Variants in FIRRM observed in about 807,000 individuals in gnomAD.
FIRRM encodes the protein FIGNL1-interacting regulator of recombination and mitosis.
chr1:169,789,565 T>C, the FIRRM span, among the ~76,000 whole-genome samples: 1 of 152,214 alleles, frequency 6.6e-6, no homozygotes, highest in Non-Finnish European at 1.5e-5. Flanking sequence ...AGGCAGAACA[T>C]AGCACATATG....
At chr1:169,852,241 C>A in the FIRRM span, 1 of 362,398 alleles carries the variant, frequency 2.8e-6, no homozygotes, top group African/African-American at 2.1e-5. Flanking sequence ...ATGAAAGAAA[C>A]TTACTCCTAA....
chr1:169,825,384 C>T, the FIRRM span, among the ~76,000 whole-genome samples: 1 of 152,158 alleles, frequency 6.6e-6, no homozygotes, highest in East Asian at 1.9e-4. Context: ...TTTACTTGTA[C>T]ACTTGTCTGT....
chr1:169,817,702 T>C, the FIRRM span, among the ~76,000 whole-genome samples: 1 of 152,202 alleles, frequency 6.6e-6, no homozygotes, highest in Non-Finnish European at 1.5e-5. Context: ...GTATAAAATG[T>C]AATCAGTATA....
the FIRRM span, among the ~76,000 whole-genome samples, chr1:169,809,600 A>G: frequency 2.0e-5 from 3 of 152,226 alleles, no homozygotes. Flanking sequence ...GTGGCTGTAC[A>G]TAAAGTATAT....
At chr1:169,830,643 T>C in the FIRRM span, 2 of 1,529,120 alleles carry the variant, frequency 1.3e-6, no homozygotes, top group Non-Finnish European at 1.8e-6. Flanking sequence ...GTTCATCTCC[T>C]TATGTTTCTG....
the FIRRM span, among the ~76,000 whole-genome samples, chr1:169,802,003 C>T: frequency 6.6e-6 from 1 of 152,132 alleles, no homozygotes; most frequent in African/African-American, 2.4e-5. Context: ...TTTTCTTTAG[C>T]TACATTGTAT....
chr1:169,825,592 G>A, the FIRRM span, among the ~76,000 whole-genome samples: 4 of 152,184 alleles, frequency 2.6e-5, no homozygotes, highest in African/African-American at 9.7e-5. Flanking sequence ...TGTAATTCAA[G>A]TCTGTGGAAT....
At chr1:169,842,695 C>T in the FIRRM span, among the ~76,000 whole-genome samples, 8 of 152,188 alleles carry the variant, frequency 5.3e-5, no homozygotes, top group African/African-American at 1.7e-4. Context: ...TACTCTCTCA[C>T]GCAGCTTTTT....
At chr1:169,853,080 A>AAAGTTGAATCTAGTG in the FIRRM span, 7 of 1,212,252 alleles carry the variant, frequency 5.8e-6, no homozygotes, top group East Asian at 1.7e-4. Context: ...CAAATTTTGT[A>AAAGTTGAATCTAGTG]AAGTTGAATC....
chr1:169,820,170 G>C, the FIRRM span, among the ~76,000 whole-genome samples: 1 of 152,176 alleles, frequency 6.6e-6, no homozygotes, highest in Non-Finnish European at 1.5e-5. Context: ...GTTGATCTGA[G>C]TAACAGAAAA....
chr1:169,834,932 A>G, the FIRRM span, among the ~76,000 whole-genome samples: 3 of 152,218 alleles, frequency 2.0e-5, no homozygotes, highest in Non-Finnish European at 4.4e-5. Flanking sequence ...GGGTGTTTGT[A>G]GCTGAGACAG....
At chr1:169,802,031 T>A in the FIRRM span, among the ~76,000 whole-genome samples, 87 of 152,238 alleles carry the variant, frequency 5.7e-4, 1 homozygote, top group Non-Finnish European at 2.1e-4. Context: ...TGTGTTGCTA[T>A]TCTTATAATG....
At chr1:169,852,768 A>C in the FIRRM span, 1 of 1,610,748 alleles carries the variant, frequency 6.2e-7, no homozygotes, top group Non-Finnish European at 8.5e-7. Flanking sequence ...ATATTGTGAT[A>C]TTACTTATGT....
the FIRRM span, chr1:169,849,426 T>C: frequency 9.1e-6 from 10 of 1,099,050 alleles, no homozygotes; most frequent in East Asian, 2.4e-5. Flanking sequence ...ACTGGGCTTA[T>C]TGAATGTATG....
the FIRRM span, among the ~76,000 whole-genome samples, chr1:169,799,424 C>G: frequency 6.6e-6 from 1 of 152,300 alleles, no homozygotes; most frequent in African/African-American, 2.4e-5. Context: ...GAGATTCATT[C>G]TTCTAGTCAG....
chr1:169,818,595 A>T, the FIRRM span, among the ~76,000 whole-genome samples: 3 of 152,210 alleles, frequency 2.0e-5, no homozygotes, highest in Non-Finnish European at 4.4e-5. Flanking sequence ...TAAACCAGTT[A>T]TCAAGCTCTT....
the FIRRM span, chr1:169,795,685 A>T: frequency 1.0e-5 from 10 of 987,214 alleles, no homozygotes; most frequent in East Asian, 1.1e-4. Flanking sequence ...TCTTAGCGTT[A>T]TAAGAATTAA....
the FIRRM span, among the ~76,000 whole-genome samples, chr1:169,828,434 C>G: frequency 2.0e-5 from 3 of 152,168 alleles, no homozygotes; most frequent in Non-Finnish European, 4.4e-5. Flanking sequence ...TGCTTTTTCT[C>G]CTCATTCTTG....
chr1:169,808,761 C>T, the FIRRM span, among the ~76,000 whole-genome samples: 112 of 152,164 alleles, frequency 7.4e-4, no homozygotes, highest in African/African-American at 2.6e-3. Context: ...CCTGCCACCA[C>T]GCCTGGCTAA....
Sources: allele counts gnomAD v4.1 joint callset (sites outside exome capture counted in the v4.1 genomes callset), GRCh38; gene constraint gnomAD v4.1.1; transcripts MANE v1.5; gene names NCBI Gene and HGNC (gene_info 2026-07-23, HGNC 2026-07-21).